The following VPS13B variants were observed in gnomAD, a reference collection of about 807,000 sequenced individuals.
VPS13B encodes intermembrane lipid transfer protein VPS13B.
Under a neutral mutation model 426.4 loss-of-function variants are expected in VPS13B, and 285 were observed. That is an observed-to-expected ratio of 0.67 (90% CI 0.61 to 0.74). The LOEUF is 0.74. Ranked by LOEUF, VPS13B falls within the 30% of genes least tolerant of loss-of-function variation. The pLI, the probability that VPS13B is intolerant of heterozygous loss-of-function variation, is 0.00. For missense variants in VPS13B, 4,537 were observed against 4,782.6 expected (o/e 0.95, Z 1.51); for synonymous variants, 1,676 against 1,676.4 (o/e 1.00, Z 0.01).
intron 35 of VPS13B, among the ~76,000 whole-genome samples, chr8:99,691,297 G>C (rs1831649040): frequency 6.6e-6 from 1 of 151,938 alleles, no homozygotes; most frequent in East Asian, 1.9e-4. Context: ...TCTGGGATTA[G>C]ACAGTGGTGA....
chr8:99,113,083 C>T (rs750952893), intron 6 of VPS13B, among the ~76,000 whole-genome samples: 2 of 149,986 alleles, frequency 1.3e-5, no homozygotes, highest in Non-Finnish European at 3.0e-5. Context: ...CCCTCTCCTC[C>T]GCTTTCTCTC....
At chr8:99,781,977 A>C (rs1812045088) in intron 42 of VPS13B, among the ~76,000 whole-genome samples, 1 of 152,184 alleles carries the variant, frequency 6.6e-6, no homozygotes, top group Admixed American at 6.6e-5. Flanking sequence ...ATTACATACT[A>C]TGATTCCAGT....
chr8:99,157,238 A>G (rs1811410939), intron 15 of VPS13B, among the ~76,000 whole-genome samples: 1 of 150,300 alleles, frequency 6.7e-6, no homozygotes, highest in Admixed American at 6.6e-5. Flanking sequence ...ACTTTATTGT[A>G]CTTCATAGTA....
intron 23 of VPS13B, among the ~76,000 whole-genome samples, chr8:99,449,553 G>T (rs1327451633): frequency 6.6e-6 from 1 of 152,160 alleles, no homozygotes; most frequent in African/African-American, 2.4e-5. Context: ...ATATAACAAG[G>T]CAGGGAACGT....
intron 19 of VPS13B, among the ~76,000 whole-genome samples, chr8:99,363,501 G>A (rs1812680688): frequency 6.6e-6 from 1 of 152,088 alleles, no homozygotes; most frequent in Non-Finnish European, 1.5e-5. Context: ...TGGTTTTTCT[G>A]TGAAGAATGT....
rs539982959 is a variant in VPS13B at position 99,703,535 on chromosome 8, A to G, written c.6454+3603A>G. On this transcript the variant is annotated intron_variant, in intron 36 of 61. Transcript: ENST00000357162. ...TAAAAGTACATCTCCTTTAGAAATT[A>G]TATCATATATTTTAAAATATTTTAA... 3.3e-5 allele frequency among the ~76,000 whole-genome samples: 5 copies of G among 152,292 alleles called. No individual in the cohort carries two copies. The South Asian group carries it at 8.3e-4, about 25-fold the overall frequency.
At chr8:99,164,648 A>G (rs1226321385) in intron 15 of VPS13B, among the ~76,000 whole-genome samples, 1 of 152,200 alleles carries the variant, frequency 6.6e-6, no homozygotes, top group Non-Finnish European at 1.5e-5. Flanking sequence ...CCTGGCTTTT[A>G]AAGGAATAGG....
At chr8:99,573,586 G>C (rs1240607242) in intron 31 of VPS13B, among the ~76,000 whole-genome samples, 1 of 152,114 alleles carries the variant, frequency 6.6e-6, no homozygotes, top group Non-Finnish European at 1.5e-5. Flanking sequence ...TTTTTGTCAG[G>C]TTTGTCAAAG....
chr8:99,796,926 C>T (rs1362197658), intron 43 of VPS13B: 1 of 152,204 alleles, frequency 6.6e-6, no homozygotes, highest in Non-Finnish European at 1.5e-5. Flanking sequence ...CAGAATTCAC[C>T]CAGCATCACT....
chr8:99,032,060 T>C (rs748182015), intron 2 of VPS13B, among the ~76,000 whole-genome samples: 32 of 152,224 alleles, frequency 2.1e-4, no homozygotes, highest in Non-Finnish European at 2.2e-4. Context: ...ATTGCAAGTA[T>C]CCACAGTGGT....
At chr8:99,471,969 T>A (rs1819433424) in intron 24 of VPS13B, among the ~76,000 whole-genome samples, 5 of 152,116 alleles carry the variant, frequency 3.3e-5, no homozygotes, top group Non-Finnish European at 7.4e-5. Flanking sequence ...TACTTAAATA[T>A]AAAGAAACGT....
At chr8:99,240,620 C>G (rs1231290683) in intron 17 of VPS13B, among the ~76,000 whole-genome samples, 3 of 152,166 alleles carry the variant, frequency 2.0e-5, no homozygotes, top group Non-Finnish European at 4.4e-5. Context: ...CAAACATTAA[C>G]TGTTTGAAAA....
intron 30 of VPS13B, among the ~76,000 whole-genome samples, chr8:99,527,068 T>C (rs2133685152): frequency 1.3e-5 from 2 of 152,232 alleles, no homozygotes; most frequent in South Asian, 4.1e-4. Context: ...TTAACAATTT[T>C]TAATGCTAAA....
chr8:99,458,196 C>T (rs1389524545), intron 23 of VPS13B, among the ~76,000 whole-genome samples: 1 of 151,552 alleles, frequency 6.6e-6, no homozygotes, highest in Non-Finnish European at 1.5e-5. Context: ...TGATAGTTTG[C>T]TGAGAATGAT....
chr8:99,407,626 A>G (rs1333689223), intron 21 of VPS13B, among the ~76,000 whole-genome samples: 3 of 133,356 alleles, frequency 2.2e-5, no homozygotes, highest in Non-Finnish European at 3.2e-5. Flanking sequence ...CCTTTATCTC[A>G]TTTTCTTTTC....
At chr8:99,809,555 C>G in intron 44 of VPS13B, 25 bp downstream of exon 44, 1 of 1,613,622 alleles carries the variant, frequency 6.2e-7, no homozygotes, top group Non-Finnish European at 8.5e-7. Context: ...GTTCATGACC[C>G]AGACACCTCT....
chr8:99,448,121 TTTTATTTATTTA>T (rs149574664), intron 23 of VPS13B, among the ~76,000 whole-genome samples: 1,879 of 141,864 alleles, frequency 0.013, 33 homozygotes, highest in African/African-American at 0.037. Flanking sequence ...GTGGTTTTAT[TTTTATTTATTTA>T]TTTATTTATT....
chr8:99,712,026 G>A (rs1337242319), intron 36 of VPS13B, among the ~76,000 whole-genome samples: 2 of 152,190 alleles, frequency 1.3e-5, no homozygotes, highest in Non-Finnish European at 2.9e-5. Context: ...AGCCATGAGA[G>A]TAGAGAAGTT....
At chr8:99,858,800 G>T (rs1226030374) in intron 56 of VPS13B, among the ~76,000 whole-genome samples, 1 of 152,208 alleles carries the variant, frequency 6.6e-6, no homozygotes, top group Non-Finnish European at 1.5e-5. Flanking sequence ...AACTCAGTAG[G>T]ATTGGGAAAG....
Sources: allele counts gnomAD v4.1 joint callset (sites outside exome capture counted in the v4.1 genomes callset), GRCh38; gene constraint gnomAD v4.1.1; transcripts MANE v1.5; gene names NCBI Gene and HGNC (gene_info 2026-07-23, HGNC 2026-07-21).